RTTN: variants seen among roughly 807,000 people sequenced by gnomAD.
RTTN encodes rotatin.
RTTN carries 182 observed loss-of-function variants against 269.2 expected under a neutral mutation model. That is an observed-to-expected ratio of 0.68 (90% CI 0.60 to 0.76). RTTN has a LOEUF of 0.76. RTTN is among the 30% of genes least tolerant of loss of function. The pLI, the probability that RTTN is intolerant of heterozygous loss-of-function variation, is 0.00. For synonymous variants in RTTN, 1,006 were observed against 963.5 expected (o/e 1.04, Z -0.82); for missense variants, 2,545 against 2,608.6 (o/e 0.98, Z 0.53).
chr18:70,162,965 G>A (rs1343144065), intron 14 of RTTN, among the ~76,000 whole-genome samples: 2 of 133,584 alleles, frequency 1.5e-5, no homozygotes, highest in Admixed American at 7.7e-5. Flanking sequence ...GCAAAGAAAA[G>A]GTATAGACAT....
intron 10 of RTTN, among the ~76,000 whole-genome samples, chr18:70,183,265 C>T (rs2061460066): frequency 6.6e-6 from 1 of 152,160 alleles, no homozygotes; most frequent in Non-Finnish European, 1.5e-5. Flanking sequence ...CCTGTGGAAG[C>T]TGACATGGTT....
chr18:70,176,714 A>C lies in RTTN; in HGVS notation c.1437T>G (p.Phe479Leu), dbSNP rs1349073306. Residue 479 changes from phenylalanine (F) to leucine (L), a missense_variant, in exon 11 of 49, where the codon TTT (phenylalanine) becomes TTG (leucine). Physicochemically the swap from Phe to Leu is conservative, Grantham distance 22. Transcript: ENST00000640769. ...GAAGCGTTTGTAGCAGTCGAACTGCAAACAGGGAAATGCTGATAAAGGCCA... is the reference window on the plus strand; with the variant it reads ...GAAGCGTTTGTAGCAGTCGAACTGCCAACAGGGAAATGCTGATAAAGGCCA... ...HRMAFISISL[F>L]AVRLLQTLLP... 16 of 1,613,850 alleles carry C rather than the reference A, an allele frequency of 9.9e-6. No homozygotes were observed. The highest frequency in any genetic ancestry group is 1.7e-5 in the Admixed American group (1 of 59,988).
chr18:70,129,568 T>C (rs2059948043), intron 23 of RTTN: 1 of 151,118 alleles, frequency 6.6e-6, no homozygotes. Context: ...AAACTGGATA[T>C]CCATATGCAG....
intron 10 of RTTN, among the ~76,000 whole-genome samples, chr18:70,185,317 A>T (rs2061521738): frequency 6.6e-6 from 1 of 152,216 alleles, no homozygotes; most frequent in African/African-American, 2.4e-5. Flanking sequence ...TATCAAAAGC[A>T]TGATCCATAA....
At chr18:70,016,644 T>A (rs1445039291) in intron 46 of RTTN, among the ~76,000 whole-genome samples, 1 of 152,146 alleles carries the variant, frequency 6.6e-6, no homozygotes, top group Non-Finnish European at 1.5e-5. Flanking sequence ...TTTGCTTCAA[T>A]TTTTTTCTGA....
At chr18:70,005,069 AG>A in intron 48 of RTTN, 128 bp downstream of exon 48, 1 of 554,674 alleles carries the variant, frequency 1.8e-6, no homozygotes, top group Non-Finnish European at 3.2e-6. Flanking sequence ...ATATAATTAA[AG>A]CACATACTGA....
At chr18:70,040,889 A>C (rs1420237910) in intron 40 of RTTN, among the ~76,000 whole-genome samples, 1 of 152,178 alleles carries the variant, frequency 6.6e-6, no homozygotes, top group African/African-American at 2.4e-5. Context: ...GGGTTAATGA[A>C]AAAATTAAGA....
In RTTN at chr18:70,169,086, C is replaced by CA. The variant is rs769928124; in HGVS notation, c.1477-20dup. 2 of 1,540,998 alleles carry CA rather than the reference C, an allele frequency of 1.3e-6. No individual in the cohort carries two copies. Among genetic ancestry groups the CA allele is most frequent in the Non-Finnish European group, 1.7e-6 (2 of 1,145,712 alleles). ...CGCTTGCCTTGGTGAATTAAAAAAACAAAAAAATTAAAACTTTGTTTAAAA... is the reference window on the plus strand; with the variant it reads ...CGCTTGCCTTGGTGAATTAAAAAAACAAAAAAAATTAAAACTTTGTTTAAAA... On this transcript the variant is annotated intron_variant, in intron 11 of 48. Transcript: ENST00000640769.
intron 7 of RTTN, chr18:70,194,220 G>A (rs2061748385): frequency 6.6e-6 from 1 of 152,160 alleles, no homozygotes; most frequent in South Asian, 2.1e-4. Context: ...TAGGTCTTTA[G>A]AGAAATGCAA....
intron 34 of RTTN, among the ~76,000 whole-genome samples, chr18:70,067,691 A>C (rs1470864723): frequency 1.3e-5 from 2 of 152,216 alleles, no homozygotes; most frequent in East Asian, 3.9e-4. Context: ...ATCCTTTATC[A>C]TTTCACTGAA....
At chr18:70,017,000 C>A (rs1286103408) in intron 46 of RTTN, among the ~76,000 whole-genome samples, 1 of 152,040 alleles carries the variant, frequency 6.6e-6, no homozygotes, top group African/African-American at 2.4e-5. Context: ...AAAGAGAAGG[C>A]CCCCTGGGTG....
In RTTN at chr18:70,190,540, G is replaced by A; in HGVS notation, c.1187C>T (p.Thr396Ile). 1 of 1,608,254 alleles carries A rather than the reference G, an allele frequency of 6.2e-7. No individual in the cohort carries two copies. Among genetic ancestry groups the A allele is most frequent in the Non-Finnish European group, 8.5e-7 (1 of 1,175,004 alleles). Residue 396 changes from threonine (T) to isoleucine (I), a missense_variant and splice_region_variant, in exon 9 of 49, where the codon ACA becomes ATA. Physicochemically the swap from Thr to Ile is moderately conservative, Grantham distance 89. Transcript: ENST00000640769. The part of the protein sequence containing the change: ...ILESAVPLLR[T>I]GSRQVIIRVL... Reference sequence around the variant, plus strand: ...TTACGATTTCTAAAACAACTAACCTGTTCTTAAGAGAGGAACAGCTGATTC... The same window carrying A: ...TTACGATTTCTAAAACAACTAACCTATTCTTAAGAGAGGAACAGCTGATTC...
chr18:70,150,548 C>A, intron 15 of RTTN, 60 bp downstream of exon 15: 2 of 1,513,976 alleles, frequency 1.3e-6, no homozygotes, highest in Admixed American at 1.7e-5. Flanking sequence ...TAGAATATCA[C>A]CTTGATTTAG....
Position 70,188,239 on chromosome 18 carries a change from GA to G in RTTN, c.1190-17del. On this transcript the variant is annotated splice_polypyrimidine_tract_variant and intron_variant, in intron 9 of 48. Transcript: ENST00000640769. ...TGTCTGCTACCTAGGAATACAAACA[GA>G]AAAAAGTAAAGGAGAAGAAGTTACT... 7.2e-7 allele frequency: 1 copy of G among 1,384,928 alleles called. No individual in the cohort carries two copies. The highest frequency in any genetic ancestry group is 1.0e-6 in the Non-Finnish European group (1 of 981,136). The allele number at this position is 1,384,928 out of a possible 1,614,324, so 85.8% of individuals were successfully genotyped here.
intron 40 of RTTN, among the ~76,000 whole-genome samples, chr18:70,035,371 C>G (rs149822306): frequency 6.6e-6 from 1 of 152,072 alleles, no homozygotes. Context: ...ACACATAGAC[C>G]GATGGAACAG....
At chr18:70,166,898 C>T (rs1479033315) in intron 13 of RTTN, 21 bp downstream of exon 13, 21 of 1,518,564 alleles carry the variant, frequency 1.4e-5, no homozygotes, top group Non-Finnish European at 1.8e-5. Flanking sequence ...AACGTAATCA[C>T]ATTAAGAAAG....
chr18:70,143,274 T>C (rs959616327), intron 18 of RTTN, among the ~76,000 whole-genome samples: 2 of 152,198 alleles, frequency 1.3e-5, no homozygotes, highest in African/African-American at 2.4e-5. Context: ...CAAATCATTC[T>C]ACCATAAAGA....
intron 40 of RTTN, among the ~76,000 whole-genome samples, chr18:70,032,500 TG>T (rs1322918417): frequency 6.6e-6 from 1 of 151,884 alleles, no homozygotes; most frequent in Non-Finnish European, 1.5e-5. Context: ...TACCAAGCAA[TG>T]AAAAACAGAA....
At chr18:70,021,602 A>G (rs965876417) in intron 44 of RTTN, among the ~76,000 whole-genome samples, 2 of 152,196 alleles carry the variant, frequency 1.3e-5, no homozygotes, top group Non-Finnish European at 2.9e-5. Context: ...AATGCACTGA[A>G]AGGAGACATT....
Sources: allele counts gnomAD v4.1 joint callset (sites outside exome capture counted in the v4.1 genomes callset), GRCh38; gene constraint gnomAD v4.1.1; transcripts MANE v1.5; gene names NCBI Gene and HGNC (gene_info 2026-07-23, HGNC 2026-07-21).